Variants in ANAPC15 observed in about 807,000 individuals in gnomAD.
ANAPC15 encodes the protein anaphase-promoting complex subunit 15.
A neutral mutation model predicts 19.8 loss-of-function variants in ANAPC15; 13 were observed. The observed-to-expected ratio is 0.66, with a 90% CI of 0.43 to 1.04. The LOEUF is 1.04. ANAPC15 is among the 50% of genes least tolerant of loss of function. ANAPC15 has a pLI of 0.00. For missense variants in ANAPC15, 88 were observed against 150.3 expected (o/e 0.59, Z 2.17); for synonymous variants, 45 against 50.7 (o/e 0.89, Z 0.47).
chr11:72,112,381 T>C (rs1220365184), intron 1 of ANAPC15: 1 of 189,508 alleles, frequency 5.3e-6, no homozygotes, highest in African/African-American at 2.4e-5. Flanking sequence ...CCTTATAGGG[T>C]TGCTAAACGC....
chr11:72,109,064 C>A, downstream of ANAPC15: 1 of 698,500 alleles, frequency 1.4e-6, no homozygotes, highest in Non-Finnish European at 2.3e-6. Flanking sequence ...CCACCTCTGA[C>A]CTCTTTCAGC....
chr11:72,112,527 T>G (rs1276762741), intron 1 of ANAPC15, 123 bp downstream of exon 1: 1 of 349,578 alleles, frequency 2.9e-6, no homozygotes, highest in African/African-American at 2.2e-5. Context: ...GCTGGAGCTC[T>G]TTAAGGGTTA....
chr11:72,110,293 T>A (rs185280082), intron 4 of ANAPC15, 68 bp from the exon 5 acceptor site: 1 of 1,604,746 alleles, frequency 6.2e-7, no homozygotes, highest in Non-Finnish European at 8.5e-7. Flanking sequence ...CTGACCCACT[T>A]GAGCCTCTCT....
chr11:72,111,266 A>G lies in ANAPC15; in HGVS notation c.11T>C (p.Leu4Ser). The G allele has an allele frequency of 6.2e-7, 1 of 1,613,266 alleles. No individual in the cohort carries two copies. The highest frequency in any genetic ancestry group is 8.5e-7 in the Non-Finnish European group (1 of 1,179,178). ...CACACGAGGGAAGAGTGAGGGGAAC[A>G]AAGTGGACATGGCTCCTAGACTGAG... MST[L>S]FPSLFPRVTE... Residue 4 changes from leucine (L) to serine (S), a missense_variant, in exon 3 of 6, where the codon TTG becomes TCG. By Grantham distance (145) the Leu-to-Ser change is moderately radical. Coordinates refer to ENST00000227618, the MANE Select transcript of ANAPC15 (RefSeq NM_014042.3).
At chr11:72,108,593 CT>C (rs774680219), downstream of ANAPC15, 8 of 1,445,802 alleles carry the variant, frequency 5.5e-6, no homozygotes, top group South Asian at 1.5e-5. Context: ...CCAGCTCCCC[CT>C]ATCCCCACAG....
chr11:72,107,630 T>A (rs1197503592), downstream of ANAPC15: 2 of 643,196 alleles, frequency 3.1e-6, no homozygotes, highest in African/African-American at 3.6e-5. Context: ...TAGGATCAGG[T>A]CCAAGGTCCT....
At chr11:72,107,966 T>C (rs1190807005), downstream of ANAPC15, 2 of 1,551,594 alleles carry the variant, frequency 1.3e-6, no homozygotes, top group Admixed American at 2.0e-5. Flanking sequence ...CCCCTGCTTG[T>C]GTGCTGGAAT....
At chr11:72,110,788 ACTCT>A (rs1946615627) in intron 3 of ANAPC15, 185 bp from the exon 4 acceptor site, 2 of 618,654 alleles carry the variant, frequency 3.2e-6, no homozygotes, top group Non-Finnish European at 5.6e-6. Context: ...AAATACTTAA[ACTCT>A]CTGAGCCTTC....
chr11:72,111,107 A>AGGACTCTGTCTGTGCTGG, intron 3 of ANAPC15, 50 bp downstream of exon 3: 1 of 1,051,890 alleles, frequency 9.5e-7, no homozygotes, highest in Admixed American at 2.4e-5. Context: ...CCACTGAAGG[A>AGGACTCTGTCTGTGCTGG]GGTCTCTGTC....
At chr11:72,107,534 G>A (rs1394957143), downstream of ANAPC15, 6 of 702,894 alleles carry the variant, frequency 8.5e-6, no homozygotes, top group Non-Finnish European at 1.3e-5. Flanking sequence ...GAGACAGCTT[G>A]ATGGATTCTG....
chr11:72,108,587 C>T (rs1945976233), downstream of ANAPC15: 5 of 1,440,152 alleles, frequency 3.5e-6, no homozygotes, highest in Non-Finnish European at 3.7e-6. Context: ...TCACCTCCAG[C>T]TCCCCCTATC....
Position 72,111,194 on chromosome 11 carries a change from G to A in ANAPC15, c.83C>T (p.Thr28Ile). 1 of 1,613,392 alleles carries A rather than the reference G, an allele frequency of 6.2e-7. No homozygotes were observed. The change falls in exon 3 of 6, where the codon ACA (threonine) becomes ATA (isoleucine). Residue 28 changes from threonine to isoleucine, a missense_variant. By Grantham distance (89) the Thr-to-Ile change is moderately conservative (BLOSUM62 -1). Coordinates refer to ENST00000227618, the MANE Select transcript of ANAPC15 (RefSeq NM_014042.3). The part of the protein sequence containing the change: ...FNLDRPCVEE[T>I]ELQQQEQQHQ... ...CTGCTGTTCCTGCTGCTGCAGCTCT[G>A]TCTCTTCCACACAGGGTCGATCCAG...
intron 4 of ANAPC15, 90 bp from the exon 5 acceptor site, chr11:72,110,315 G>A: frequency 1.0e-5 from 16 of 1,594,998 alleles, no homozygotes; most frequent in Non-Finnish European, 1.4e-5. Context: ...TAGGGCCAAT[G>A]AATGACCCCC....
intron 1 of ANAPC15, 66 bp downstream of exon 1, chr11:72,112,584 G>A (rs1314293597): frequency 2.2e-6 from 1 of 445,920 alleles, no homozygotes; most frequent in Non-Finnish European, 4.5e-6. Context: ...AAAGGAAATG[G>A]GTTTCTCTGG....
downstream of ANAPC15, chr11:72,108,551 G>C (rs1048952330): frequency 1.4e-6 from 2 of 1,414,882 alleles, no homozygotes; most frequent in African/African-American, 2.9e-5. Flanking sequence ...GTGGGGTCTT[G>C]ACTGGGAGAA....
At position 72,110,573 on chromosome 11, in the gene ANAPC15, G is replaced by C; in HGVS notation, c.151C>G (p.Leu51Val). 1 of 1,614,224 alleles carries C rather than the reference G, an allele frequency of 6.2e-7. No homozygotes were observed. The highest frequency in any genetic ancestry group is 1.1e-5 in the South Asian group (1 of 91,092). ...LQSIAEKDNN[L>V]VPIGKPASEH... ...GAGGCTGGCTTGCCAATAGGAACCA[G>C]GTTGTTGTCTTTCTCCGCGATGCTT... Residue 51 changes from leucine to valine, a missense_variant, in exon 4 of 6, where the codon CTG becomes GTG. By Grantham distance (32) the Leu-to-Val change is conservative (BLOSUM62 1). Transcript: ENST00000227618.
intron 3 of ANAPC15, 70 bp from the exon 4 acceptor site, chr11:72,110,673 C>T: frequency 1.3e-6 from 2 of 1,569,090 alleles, no homozygotes; most frequent in Non-Finnish European, 1.7e-6. Flanking sequence ...GGGACTGGCC[C>T]ATTCTGCCCA....
rs778261727 is a variant in ANAPC15, at chr11:72,110,517, C to G, written c.180+27G>C. 10 of 1,613,856 alleles carry G rather than the reference C, an allele frequency of 6.2e-6. No homozygotes were observed. In the South Asian group the frequency reaches 9.9e-5, roughly 16 times the overall value. The stretch of plus-strand genomic sequence containing the variant: ...GCCTCGGTCCACTGCGGCCCCCACA[C>G]AGGCCCCACCTGCTAGAGCCACTCA... On this transcript the variant is annotated intron_variant, in intron 4 of 5. Transcript: ENST00000227618.
downstream of ANAPC15, chr11:72,107,520 GAATGAGACA>G (rs1565331085): frequency 1.4e-6 from 1 of 702,970 alleles, no homozygotes; most frequent in Non-Finnish European, 2.6e-6. Context: ...TGGCATGAAG[GAATGAGACA>G]GCTTGATGGA....
Sources: gnomAD v4.1 joint callset for allele counts on GRCh38, gnomAD v4.1.1 for gene constraint, MANE v1.5 for transcripts, NCBI Gene and HGNC (gene_info 2026-07-23, HGNC 2026-07-21) for gene names.